Variants in GABRB2 observed in about 807,000 individuals in gnomAD.
GABRB2 encodes the protein gamma-aminobutyric acid receptor subunit beta-2.
Under a neutral mutation model 54.7 loss-of-function variants are expected in GABRB2, and 16 were observed. That is an observed-to-expected ratio of 0.29 (90% confidence interval 0.20 to 0.44). The LOEUF (loss-of-function observed/expected upper bound fraction) is 0.44, where lower values mean the gene tolerates loss of function less well. Among genes scored for constraint, GABRB2 ranks in the 20% least tolerant of loss-of-function variants. The pLI is 1.00. For missense variants in GABRB2, 355 were observed against 644.0 expected (o/e 0.55, Z 4.86); for synonymous variants, 244 against 233.8 (o/e 1.04, Z -0.40).
At chr5:161,392,241 G>A (rs1211209562) in intron 5 of GABRB2, among the ~76,000 whole-genome samples, 2 of 152,100 alleles carry the variant, frequency 1.3e-5, no homozygotes, top group African/African-American at 2.4e-5. Context: ...GCTCATTTCT[G>A]TTAGGCACAA....
At chr5:161,389,346 C>T (rs1262987231) in intron 5 of GABRB2, among the ~76,000 whole-genome samples, 2 of 151,932 alleles carry the variant, frequency 1.3e-5, no homozygotes, top group African/African-American at 4.8e-5. Context: ...ACATATTCCC[C>T]AAATTATTTC....
At chr5:161,390,401 A>T (rs1036126050) in intron 5 of GABRB2, among the ~76,000 whole-genome samples, 4 of 152,032 alleles carry the variant, frequency 2.6e-5, no homozygotes, top group African/African-American at 4.8e-5. Flanking sequence ...TCTCAGAAAG[A>T]CTGAGAAATT....
In GABRB2 at chr5:161,534,299, G is replaced by C. The variant is rs190687794; in HGVS notation, c.237+10928C>G. Among the ~76,000 whole-genome samples, 63 of 152,280 alleles carry C rather than the reference G, an allele frequency of 4.1e-4. 1 individual carries two copies. The highest frequency in any genetic ancestry group is 3.4e-3 in the Middle Eastern group (1 of 294). On this transcript the variant is annotated intron_variant, in intron 3 of 9. Transcript: ENST00000393959. ...AATGCACAAGATAGCCCTGACAAGA[G>C]AGAATTATCTGGCTCCAAATTCCAA...
intron 5 of GABRB2, among the ~76,000 whole-genome samples, chr5:161,395,166 C>A (rs562261408): frequency 6.6e-5 from 10 of 152,084 alleles, no homozygotes; most frequent in African/African-American, 9.7e-5. Flanking sequence ...GGGAAGGATG[C>A]CAGCTGATAG....
chr5:161,341,895 C>T (rs1034677589), intron 5 of GABRB2, among the ~76,000 whole-genome samples: 2 of 142,812 alleles, frequency 1.4e-5, no homozygotes, highest in African/African-American at 5.3e-5. Flanking sequence ...CCAATGAGAA[C>T]ATTTAGAAGA....
intron 3 of GABRB2, among the ~76,000 whole-genome samples, chr5:161,519,169 G>A (rs1760038797): frequency 6.6e-6 from 1 of 152,146 alleles, no homozygotes; most frequent in Non-Finnish European, 1.5e-5. Context: ...GAATAGGCAG[G>A]TCACAGGGTC....
intron 3 of GABRB2, among the ~76,000 whole-genome samples, chr5:161,474,487 A>G (rs1758537273): frequency 1.3e-5 from 2 of 152,000 alleles, no homozygotes; most frequent in Non-Finnish European, 2.9e-5. Flanking sequence ...ATCATAATTT[A>G]GCTTTTCTAA....
At chr5:161,479,363 A>C (rs1243278984) in intron 3 of GABRB2, among the ~76,000 whole-genome samples, 1 of 152,068 alleles carries the variant, frequency 6.6e-6, no homozygotes, top group East Asian at 1.9e-4. Flanking sequence ...CTGCAAGTGC[A>C]GAGTTAGCAT....
intron 5 of GABRB2, among the ~76,000 whole-genome samples, chr5:161,346,173 T>C (rs1754313890): frequency 6.6e-6 from 1 of 152,138 alleles, no homozygotes; most frequent in Non-Finnish European, 1.5e-5. Flanking sequence ...TTCTTGATGT[T>C]GCTGACTTTT....
intron 4 of GABRB2, among the ~76,000 whole-genome samples, chr5:161,419,644 T>A (rs1429121800): frequency 1.3e-5 from 2 of 152,198 alleles, no homozygotes; most frequent in East Asian, 3.8e-4. Context: ...AAGAATGAAA[T>A]CTTGTCTTTG....
At chr5:161,308,639 A>G (rs1457176210) in intron 9 of GABRB2, among the ~76,000 whole-genome samples, 1 of 152,242 alleles carries the variant, frequency 6.6e-6, no homozygotes, top group East Asian at 1.9e-4. Flanking sequence ...TAATCAAAAC[A>G]GCATGGTACT....
At chr5:161,375,037 A>T (rs1435903159) in intron 5 of GABRB2, among the ~76,000 whole-genome samples, 1 of 152,198 alleles carries the variant, frequency 6.6e-6, no homozygotes. Context: ...TCAGCGTGAG[A>T]GACAAAATGA....
At chr5:161,434,789 G>A (rs767953199) in intron 4 of GABRB2, among the ~76,000 whole-genome samples, 2 of 152,144 alleles carry the variant, frequency 1.3e-5, no homozygotes, top group Non-Finnish European at 2.9e-5. Context: ...TAGGTATCCT[G>A]GAGGCAAATA....
chr5:161,354,318 T>C, intron 5 of GABRB2, among the ~76,000 whole-genome samples: 1 of 152,048 alleles, frequency 6.6e-6, no homozygotes, highest in South Asian at 2.1e-4. Context: ...AAATCAAGAA[T>C]GTCCTATTTA....
chr5:161,510,697 A>G (rs1277268165), intron 3 of GABRB2, among the ~76,000 whole-genome samples: 2 of 151,926 alleles, frequency 1.3e-5, no homozygotes, highest in Non-Finnish European at 2.9e-5. Context: ...GTGCAATGGC[A>G]TGATCTTGGC....
At chr5:161,469,355 A>G (rs1016778757) in intron 3 of GABRB2, among the ~76,000 whole-genome samples, 5 of 151,958 alleles carry the variant, frequency 3.3e-5, no homozygotes, top group Admixed American at 3.3e-4. Context: ...GTTATTAACA[A>G]AGCATAAATT....
At chr5:161,338,239 T>A (rs1453703204) in intron 5 of GABRB2, among the ~76,000 whole-genome samples, 6 of 152,212 alleles carry the variant, frequency 3.9e-5, no homozygotes, top group Admixed American at 3.3e-4. Flanking sequence ...AGAGTAGCCA[T>A]CTTTATCTGA....
intron 5 of GABRB2, among the ~76,000 whole-genome samples, chr5:161,345,670 G>A (rs1009043651): frequency 3.9e-5 from 6 of 152,122 alleles, no homozygotes; most frequent in African/African-American, 1.4e-4. Context: ...TCCTTAAGGT[G>A]GAATTGTTCT....
At chr5:161,368,705 G>T (rs955233551) in intron 5 of GABRB2, among the ~76,000 whole-genome samples, 2 of 152,144 alleles carry the variant, frequency 1.3e-5, no homozygotes, top group Non-Finnish European at 2.9e-5. Context: ...TCTAAGAAGC[G>T]ATAGTCATCC....
Sources: gnomAD v4.1 joint callset for allele counts (sites outside exome capture counted in the v4.1 genomes callset) on GRCh38, gnomAD v4.1.1 for gene constraint, MANE v1.5 for transcripts, NCBI Gene and HGNC (gene_info 2026-07-23, HGNC 2026-07-21) for gene names.